ARL15: variants seen among roughly 807,000 people sequenced by gnomAD.
ARL15 encodes the protein ADP-ribosylation factor-like protein 15.
ARL15 carries 19 observed loss-of-function variants against 25.2 expected under a neutral mutation model. The ratio of observed to expected loss-of-function variants is 0.75; its 90% CI spans 0.53 to 1.10. The LOEUF is 1.10. Ranked by LOEUF, ARL15 falls within the 50% of genes least tolerant of loss-of-function variation. ARL15 has a pLI of 0.00. For missense variants in ARL15, 220 were observed against 246.0 expected (o/e 0.89, Z 0.71); for synonymous variants, 94 against 86.8 (o/e 1.08, Z -0.46).
intron 1 of ARL15, among the ~76,000 whole-genome samples, chr5:54,227,779 C>T (rs1756566828): frequency 6.6e-6 from 1 of 152,170 alleles, no homozygotes; most frequent in South Asian, 2.1e-4. Context: ...TGTCAGTGTG[C>T]TCACAATTCA....
chr5:54,126,321 T>C (rs1291820851), intron 3 of ARL15, among the ~76,000 whole-genome samples: 3 of 152,208 alleles, frequency 2.0e-5, no homozygotes, highest in Admixed American at 2.0e-4. Context: ...ACTCAATTTG[T>C]CCCCAAATAA....
intron 4 of ARL15, among the ~76,000 whole-genome samples, chr5:54,010,639 A>G (rs1177328951): frequency 1.3e-5 from 2 of 152,210 alleles, no homozygotes; most frequent in Non-Finnish European, 2.9e-5. Flanking sequence ...TAAAGATGAC[A>G]ATGGTTTCTG....
At chr5:54,195,257 T>C (rs1331437940) in intron 1 of ARL15, among the ~76,000 whole-genome samples, 1 of 152,076 alleles carries the variant, frequency 6.6e-6, no homozygotes, top group African/African-American at 2.4e-5. Flanking sequence ...TCAAGATAGA[T>C]CCTATATTCA....
chr5:54,240,751 TC>T lies in ARL15; in HGVS notation c.49-68824del, dbSNP rs575256895. ...CAAGTTGAGGATCCCTAATCCGAAA[TC>T]CACAAAGCTCCGAAATCCACAAAGC... On this transcript the variant is annotated intron_variant, in intron 1 of 4. Coordinates refer to ENST00000504924, the MANE Select transcript of ARL15 (RefSeq NM_019087.3). 1.2e-4 allele frequency among the ~76,000 whole-genome samples: 18 copies of T among 149,994 alleles called. No homozygotes were observed. In the East Asian group the frequency reaches 3.1e-3, roughly 26 times the overall value.
chr5:54,092,270 C>T (rs910614117), intron 4 of ARL15, among the ~76,000 whole-genome samples: 20 of 152,090 alleles, frequency 1.3e-4, no homozygotes, highest in African/African-American at 4.6e-4. Context: ...TTGTCAATAC[C>T]CTCAGGTGAT....
chr5:54,016,436 G>A (rs1194394092), intron 4 of ARL15, among the ~76,000 whole-genome samples: 1 of 152,050 alleles, frequency 6.6e-6, no homozygotes, highest in East Asian at 1.9e-4. Flanking sequence ...CAATCCACAG[G>A]ACTCATAAGG....
Position 53,934,845 on chromosome 5 carries a change from G to C in ARL15, c.463-48132C>G, listed in dbSNP as rs557112184. 3.1e-3 allele frequency among the ~76,000 whole-genome samples: 471 copies of C among 152,264 alleles called. 2 individuals carry two copies. Among genetic ancestry groups the C allele is most frequent in the Middle Eastern group, 0.024 (7 of 294 alleles). ...AAAGCACAGTATACATCTTTCTTTA[G>C]GAAGGTTGACTGCCTCAAATTCAAT... On this transcript the variant is annotated intron_variant, in intron 4 of 4. Coordinates refer to ENST00000504924, the MANE Select transcript of ARL15 (RefSeq NM_019087.3).
chr5:53,900,580 C>G (rs1440686826), intron 4 of ARL15, among the ~76,000 whole-genome samples: 4 of 151,002 alleles, frequency 2.6e-5, no homozygotes, highest in African/African-American at 9.8e-5. Context: ...CTAGTATTCT[C>G]AATATAATGT....
At chr5:54,173,683 C>T (rs1427500586) in intron 1 of ARL15, among the ~76,000 whole-genome samples, 1 of 152,098 alleles carries the variant, frequency 6.6e-6, no homozygotes, top group African/African-American at 2.4e-5. Context: ...TGCTCTTGTG[C>T]CCCCTATTCT....
intron 1 of ARL15, among the ~76,000 whole-genome samples, chr5:54,266,806 T>C (rs944904464): frequency 2.0e-5 from 3 of 152,160 alleles, no homozygotes; most frequent in African/African-American, 7.2e-5. Context: ...AGGAAAACCA[T>C]GTGAGATACT....
At chr5:54,192,308 C>T (rs769718619) in intron 1 of ARL15, among the ~76,000 whole-genome samples, 3 of 151,188 alleles carry the variant, frequency 2.0e-5, no homozygotes, top group African/African-American at 4.9e-5. Context: ...CCCACCACAA[C>T]ATGTTCTAAC....
chr5:54,059,075 A>G (rs1447067396), intron 4 of ARL15, among the ~76,000 whole-genome samples: 1 of 152,240 alleles, frequency 6.6e-6, no homozygotes, highest in Non-Finnish European at 1.5e-5. Flanking sequence ...AAGGCTTTAA[A>G]TAACCTTATG....
At chr5:54,222,448 A>G (rs1440546119) in intron 1 of ARL15, among the ~76,000 whole-genome samples, 1 of 152,224 alleles carries the variant, frequency 6.6e-6, no homozygotes, top group Non-Finnish European at 1.5e-5. Flanking sequence ...GCCTGTTTGG[A>G]TATTGTAGTA....
At chr5:53,936,439 C>G (rs1172002539) in intron 4 of ARL15, among the ~76,000 whole-genome samples, 1 of 152,182 alleles carries the variant, frequency 6.6e-6, no homozygotes, top group African/African-American at 2.4e-5. Context: ...ATGTGCATAT[C>G]TATGACACTA....
At chr5:54,094,101 C>G (rs181811331) in intron 4 of ARL15, among the ~76,000 whole-genome samples, 11 of 152,272 alleles carry the variant, frequency 7.2e-5, no homozygotes, top group Admixed American at 5.9e-4. Context: ...TATAGGCCAT[C>G]CTGGGCTAGT....
chr5:54,016,660 T>C (rs566242481), intron 4 of ARL15, among the ~76,000 whole-genome samples: 10 of 152,304 alleles, frequency 6.6e-5, no homozygotes, highest in Admixed American at 6.5e-4. Context: ...CCTCCACTTA[T>C]TGCTGTGTGC....
At chr5:54,243,116 G>A (rs1311694773) in intron 1 of ARL15, among the ~76,000 whole-genome samples, 1 of 152,086 alleles carries the variant, frequency 6.6e-6, no homozygotes, top group East Asian at 1.9e-4. Flanking sequence ...ATTATTACCT[G>A]CTTAGGAATA....
rs182418756 is a variant in ARL15 at position 53,997,982 on chromosome 5, C to T, written c.463-111269G>A. ...CCCTCACCTTAAACACTGGCCTGCA[C>T]CACCAAGAAAAGAGAAAATGTGATT... On this transcript the variant is annotated intron_variant, in intron 4 of 4. Transcript: ENST00000504924. Among the ~76,000 whole-genome samples the T allele has an allele frequency of 5.1e-3, 783 of 152,132 alleles. 3 individuals are homozygous for T. Among genetic ancestry groups the T allele is most frequent in the Admixed American group, 0.011 (166 of 15,286 alleles).
chr5:53,978,273 T>G (rs760182830), intron 4 of ARL15, among the ~76,000 whole-genome samples: 1 of 152,176 alleles, frequency 6.6e-6, no homozygotes, highest in African/African-American at 2.4e-5. Context: ...ACATATATTT[T>G]CATCTATATT....
Sources: gnomAD v4.1 joint callset for allele counts (sites outside exome capture counted in the v4.1 genomes callset) on GRCh38, gnomAD v4.1.1 for gene constraint, MANE v1.5 for transcripts, NCBI Gene and HGNC (gene_info 2026-07-23, HGNC 2026-07-21) for gene names.